The following SLC10A7 variants were observed in gnomAD, a reference collection of about 807,000 sequenced individuals.
SLC10A7 encodes solute carrier family 10 member 7, also known as sodium/bile acid cotransporter 7.
In SLC10A7, 29 loss-of-function variants were observed where a neutral mutation model predicts 43.2. The observed-to-expected ratio is 0.67, with a 90% CI of 0.50 to 0.92. SLC10A7 has a LOEUF of 0.92. Among genes scored for constraint, SLC10A7 ranks in the 40% least tolerant of loss-of-function variants. The pLI is 0.00. For synonymous variants in SLC10A7, 152 were observed against 144.8 expected, an observed-to-expected ratio of 1.05 and a Z score of -0.35; for missense variants, 295 against 403.2, an observed-to-expected ratio of 0.73 and a Z score of 2.30.
intron 10 of SLC10A7, among the ~76,000 whole-genome samples, chr4:146,273,711 G>A (rs1039835089): frequency 2.0e-5 from 3 of 151,994 alleles, no homozygotes. Flanking sequence ...GCCAGGGAGG[G>A]GCTTGTCACT....
chr4:146,255,459 A>G lies in SLC10A7; in HGVS notation c.*1032T>C, dbSNP rs1727842988. 6.6e-6 allele frequency: 1 copy of G among 152,656 alleles called. No individual in the cohort carries two copies. Among genetic ancestry groups the G allele is most frequent in the South Asian group, 2.1e-4 (1 of 4,836 alleles). 9.5% of individuals were successfully genotyped at this position (152,656 alleles called of 1,614,324 possible). A position where few individuals can be genotyped will look rare whatever the true frequency, so the allele number is the denominator to read the frequency against. Reference sequence around the variant, plus strand: ...GCAATATGATTTAACTTCTAAAAAAATATTGCCAACATTTGTCAAATCTGC... The same window carrying G: ...GCAATATGATTTAACTTCTAAAAAAGTATTGCCAACATTTGTCAAATCTGC... On this transcript the variant is annotated 3_prime_UTR_variant, in exon 12 of 12. Coordinates refer to ENST00000335472, the MANE Select transcript of SLC10A7 (RefSeq NM_001029998.6).
intron 5 of SLC10A7, among the ~76,000 whole-genome samples, chr4:146,419,217 T>C (rs1042096541): frequency 1.3e-5 from 2 of 151,900 alleles, no homozygotes; most frequent in Non-Finnish European, 2.9e-5. Context: ...GCCCAGGAGG[T>C]TGGGAAATGG....
At chr4:146,389,657 T>C (rs1738271064) in intron 5 of SLC10A7, among the ~76,000 whole-genome samples, 2 of 152,320 alleles carry the variant, frequency 1.3e-5, no homozygotes, top group African/African-American at 4.8e-5. Context: ...TCATTCTCCT[T>C]AGCACAACAT....
At chr4:146,459,349 A>C (rs1277570108) in intron 4 of SLC10A7, among the ~76,000 whole-genome samples, 2 of 151,776 alleles carry the variant, frequency 1.3e-5, no homozygotes, top group African/African-American at 4.8e-5. Flanking sequence ...AATTTATTTT[A>C]AAAATAAACT....
chr4:146,385,454 T>C (rs1298677024), intron 5 of SLC10A7, among the ~76,000 whole-genome samples: 1 of 152,162 alleles, frequency 6.6e-6, no homozygotes, highest in Non-Finnish European at 1.5e-5. Flanking sequence ...TATTTACTCA[T>C]CTTTTTGATT....
intron 6 of SLC10A7, among the ~76,000 whole-genome samples, chr4:146,309,692 C>A (rs1232881897): frequency 6.6e-6 from 1 of 152,204 alleles, no homozygotes; most frequent in African/African-American, 2.4e-5. Context: ...CAAAGCTCTA[C>A]TTAGTTCACA....
Position 146,521,753 on chromosome 4 carries a change from G to A in SLC10A7, c.-36C>T, listed in dbSNP as rs761131499. On this transcript the variant is annotated 5_prime_UTR_variant, in exon 1 of 12. Coordinates refer to ENST00000335472, the MANE Select transcript of SLC10A7 (RefSeq NM_001029998.6). ...GTGGGTGGGTTTTGTTTATTTGTTTGGCTTTTTTTCTTTTCAAGCTCCGAT... is the reference window on the plus strand; with the variant it reads ...GTGGGTGGGTTTTGTTTATTTGTTTAGCTTTTTTTCTTTTCAAGCTCCGAT... 2 of 1,574,522 alleles carry A rather than the reference G, an allele frequency of 1.3e-6. No individual in the cohort carries two copies. The highest frequency in any genetic ancestry group is 1.7e-6 in the Non-Finnish European group (2 of 1,144,820).
intron 4 of SLC10A7, among the ~76,000 whole-genome samples, chr4:146,491,911 T>C (rs1735480447): frequency 6.6e-6 from 1 of 152,130 alleles, no homozygotes; most frequent in Non-Finnish European, 1.5e-5. Context: ...ATGTTCTCAT[T>C]AAATACTTAG....
chr4:146,405,948 G>A (rs1017666050), intron 5 of SLC10A7, among the ~76,000 whole-genome samples: 23 of 151,768 alleles, frequency 1.5e-4, no homozygotes, highest in African/African-American at 5.6e-4. Context: ...CAGGTATTTT[G>A]GAGAAAAAAG....
intron 3 of SLC10A7, among the ~76,000 whole-genome samples, chr4:146,508,393 C>CATA (rs1195544129): frequency 6.6e-6 from 1 of 152,146 alleles, no homozygotes; most frequent in Admixed American, 6.5e-5. Flanking sequence ...TCTTGATATG[C>CATA]ATAATACATT....
At chr4:146,509,832 G>T in intron 3 of SLC10A7, 81 bp downstream of exon 3, 1 of 1,344,414 alleles carries the variant, frequency 7.4e-7, no homozygotes, top group Non-Finnish European at 1.0e-6. Flanking sequence ...AAGCCCTTTT[G>T]TATATAGTTG....
In SLC10A7 at chr4:146,350,009, T is replaced by A. The variant is rs79812166; in HGVS notation, c.436-24013A>T. Among the ~76,000 whole-genome samples the A allele has an allele frequency of 8.6e-3, 1,294 of 151,308 alleles. 25 individuals carry two copies. Among genetic ancestry groups the A allele is most frequent in the African/African-American group, 0.027 (1,131 of 41,190 alleles). On this transcript the variant is annotated intron_variant, in intron 5 of 11. Coordinates refer to ENST00000335472, the MANE Select transcript of SLC10A7 (RefSeq NM_001029998.6). ...AATAAAAGTTGAAATTAAAAAAAAA[T>A]ATATATATAGGGGGAGGAGCCAAGA...
chr4:146,282,492 G>T (rs957203434), intron 10 of SLC10A7, among the ~76,000 whole-genome samples: 16 of 152,090 alleles, frequency 1.1e-4, no homozygotes, highest in Non-Finnish European at 4.4e-5. Flanking sequence ...CAAGGAGTTT[G>T]TGACTGATGT....
At chr4:146,339,597 A>G (rs563042910) in intron 5 of SLC10A7, among the ~76,000 whole-genome samples, 2 of 151,972 alleles carry the variant, frequency 1.3e-5, no homozygotes, top group African/African-American at 2.4e-5. Context: ...GCCACCCCCA[A>G]CACAAAGAGG....
At chr4:146,404,476 A>ATGTGTGTGTG (rs34519773) in intron 5 of SLC10A7, among the ~76,000 whole-genome samples, 2,449 of 141,522 alleles carry the variant, frequency 0.017, 22 homozygotes, top group Middle Eastern at 0.039. Context: ...CTGCTCATTT[A>ATGTGTGTGTG]TGTGTGTGTG....
intron 10 of SLC10A7, among the ~76,000 whole-genome samples, chr4:146,280,594 T>A (rs775502355): frequency 5.9e-5 from 9 of 152,218 alleles, no homozygotes; most frequent in Admixed American, 2.6e-4. Flanking sequence ...CAGGTCACTG[T>A]CATGGCCTAT....
At chr4:146,381,426 CTCATT>C (rs1737615424) in intron 5 of SLC10A7, among the ~76,000 whole-genome samples, 12 of 152,114 alleles carry the variant, frequency 7.9e-5, no homozygotes, top group Admixed American at 7.9e-4. Context: ...AGGTTAATCA[CTCATT>C]TCCCCTTTCA....
chr4:146,319,490 C>T (rs1732547268), intron 6 of SLC10A7, among the ~76,000 whole-genome samples: 2 of 152,064 alleles, frequency 1.3e-5, no homozygotes, highest in Admixed American at 6.6e-5. Context: ...GCACTTATCA[C>T]CCATCTCACA....
At chr4:146,414,955 C>A (rs2679160) in intron 5 of SLC10A7, among the ~76,000 whole-genome samples, 1,712 of 151,956 alleles carry the variant, frequency 0.011, 27 homozygotes, top group African/African-American at 0.039. Flanking sequence ...GTTGAGAAAA[C>A]AACAGAAAAA....
Sources: gnomAD v4.1 joint callset for allele counts (sites outside exome capture counted in the v4.1 genomes callset) on GRCh38, gnomAD v4.1.1 for gene constraint, MANE v1.5 for transcripts, NCBI Gene and HGNC (gene_info 2026-07-23, HGNC 2026-07-21) for gene names.